WDR27: variants seen among roughly 807,000 people sequenced by gnomAD.
WDR27 encodes the protein WD repeat-containing protein 27.
Under a neutral mutation model 114.4 loss-of-function variants are expected in WDR27, and 100 were observed. That is an observed-to-expected ratio of 0.87 (90% CI 0.74 to 1.03). The LOEUF (loss-of-function observed/expected upper bound fraction) is 1.03, where lower values mean the gene tolerates loss of function less well. WDR27 is among the 50% of genes least tolerant of loss of function. The pLI, the probability that WDR27 is intolerant of heterozygous loss-of-function variation, is 0.00. For missense variants in WDR27, 1,129 were observed against 1,092.9 expected, an observed-to-expected ratio of 1.03 and a Z score of -0.47; for synonymous variants, 449 against 423.1, an observed-to-expected ratio of 1.06 and a Z score of -0.75.
At chr6:169,607,138 G>A (rs1305849726) in intron 22 of WDR27, among the ~76,000 whole-genome samples, 1 of 152,064 alleles carries the variant, frequency 6.6e-6, no homozygotes, top group Non-Finnish European at 1.5e-5. Context: ...CAATGCTGAT[G>A]GGAATGTAAA....
chr6:169,701,004 G>A (rs1206948045), intron 1 of WDR27, among the ~76,000 whole-genome samples: 4 of 152,188 alleles, frequency 2.6e-5, no homozygotes, highest in African/African-American at 9.7e-5. Context: ...AAAAGGCAGT[G>A]ACAAGTGATT....
the WDR27 span, among the ~76,000 whole-genome samples, chr6:169,441,002 T>G: frequency 3.3e-5 from 5 of 152,186 alleles, no homozygotes; most frequent in Admixed American, 3.3e-4. Flanking sequence ...ATTTTGCTCT[T>G]GATATTTAAG....
At chr6:169,525,728 C>T (rs963005779) in intron 25 of WDR27, among the ~76,000 whole-genome samples, 4 of 152,062 alleles carry the variant, frequency 2.6e-5, no homozygotes, top group African/African-American at 4.8e-5. Context: ...TATATATGAT[C>T]CAGCCATCCA....
chr6:169,678,501 T>C (rs577036640), intron 2 of WDR27, among the ~76,000 whole-genome samples: 99 of 152,354 alleles, frequency 6.5e-4, no homozygotes, highest in Non-Finnish European at 1.3e-3. Flanking sequence ...TACAGGCTCA[T>C]AGGTGGAAGG....
intron 13 of WDR27, among the ~76,000 whole-genome samples, chr6:169,657,077 G>T (rs187668070): frequency 2.0e-5 from 3 of 152,174 alleles, no homozygotes; most frequent in African/African-American, 7.2e-5. Context: ...GTCTTTCATG[G>T]AAACAGGGCG....
chr6:169,430,641 C>T, the WDR27 span, among the ~76,000 whole-genome samples: 1 of 152,134 alleles, frequency 6.6e-6, no homozygotes, highest in African/African-American at 2.4e-5. Context: ...GAAACTTTAC[C>T]GACACTTTCA....
At chr6:169,480,610 A>G (rs968750157) in intron 25 of WDR27, among the ~76,000 whole-genome samples, 2 of 151,490 alleles carry the variant, frequency 1.3e-5, no homozygotes, top group African/African-American at 4.9e-5. Flanking sequence ...ACCAATCAGC[A>G]CTCTGTGTCT....
intron 14 of WDR27, among the ~76,000 whole-genome samples, chr6:169,650,070 T>TACTCACCC (rs1821909357): frequency 7.8e-6 from 1 of 128,268 alleles, no homozygotes; most frequent in African/African-American, 3.0e-5. Flanking sequence ...CACCTCCATC[T>TACTCACCC]ACTCATCCAT....
intron 8 of WDR27, chr6:169,663,715 C>T (rs112128887): frequency 0.01 from 1,712 of 168,964 alleles, 35 homozygotes; most frequent in African/African-American, 0.039. Flanking sequence ...ATCTGTGATG[C>T]GCAGGAGACC....
At chr6:169,672,448 A>G in intron 2 of WDR27, 52 bp from the exon 3 acceptor site, 2 of 1,488,602 alleles carry the variant, frequency 1.3e-6, no homozygotes, top group Non-Finnish European at 1.8e-6. Flanking sequence ...TAAAAATAAG[A>G]GTATAACAAC....
At chr6:169,608,907 G>A (rs1349015916) in intron 22 of WDR27, among the ~76,000 whole-genome samples, 1 of 152,188 alleles carries the variant, frequency 6.6e-6, no homozygotes, top group African/African-American at 2.4e-5. Context: ...GATACAATGG[G>A]GGTACAGGCA....
At chr6:169,686,499 A>G (rs1346074765) in intron 2 of WDR27, among the ~76,000 whole-genome samples, 3 of 152,170 alleles carry the variant, frequency 2.0e-5, no homozygotes, top group Non-Finnish European at 2.9e-5. Flanking sequence ...TGACCCAACT[A>G]TATGTGGACT....
At chr6:169,582,512 G>A (rs904016049) in intron 24 of WDR27, among the ~76,000 whole-genome samples, 6 of 152,000 alleles carry the variant, frequency 3.9e-5, no homozygotes, top group Non-Finnish European at 5.9e-5. Flanking sequence ...CCATGTAACC[G>A]TATTTGTCTA....
chr6:169,634,457 CT>C lies in WDR27; in HGVS notation c.2071del (p.Ser691ValfsTer35), dbSNP rs1190543976. The stretch of plus-strand genomic sequence containing the variant: ...ATAAAAGTCGTTGACTGCCGATAAA[CT>C]GGTCATGTCTACTGCACCCGTCGTG... ...LSTTGAVDMTSLSAVNDFYSH... is the reference protein window; with the variant it reads ...LSTTGAVDMTXLSAVNDFYSH... On this transcript the variant is annotated frameshift_variant, in exon 20 of 26. Transcript: ENST00000448612. LOFTEE classifies it high-confidence loss of function. The C allele has an allele frequency of 6.2e-7, 1 of 1,613,126 alleles. No individual in the cohort carries two copies. Among genetic ancestry groups the C allele is most frequent in the Non-Finnish European group, 8.5e-7 (1 of 1,179,640 alleles).
At chr6:169,587,156 C>T (rs1364752136) in intron 23 of WDR27, among the ~76,000 whole-genome samples, 3 of 151,280 alleles carry the variant, frequency 2.0e-5, no homozygotes, top group Non-Finnish European at 4.4e-5. Flanking sequence ...AAGAATTGGG[C>T]ACTTACATCT....
At chr6:169,550,215 G>T (rs1323053708) in intron 25 of WDR27, among the ~76,000 whole-genome samples, 1 of 152,142 alleles carries the variant, frequency 6.6e-6, no homozygotes, top group Non-Finnish European at 1.5e-5. Flanking sequence ...TTTCAGAAAA[G>T]CTGCACATAT....
At chr6:169,666,017 T>A (rs932122265) in intron 6 of WDR27, among the ~76,000 whole-genome samples, 1 of 152,212 alleles carries the variant, frequency 6.6e-6, no homozygotes, top group African/African-American at 2.4e-5. Flanking sequence ...AATGGATGTC[T>A]TGTTTCCTTA....
chr6:169,623,192 C>T (rs1174886343), intron 21 of WDR27, among the ~76,000 whole-genome samples: 3 of 152,104 alleles, frequency 2.0e-5, no homozygotes, highest in Non-Finnish European at 4.4e-5. Context: ...TTCAGCTGGT[C>T]GTGCGGCCCC....
chr6:169,509,709 C>A (rs976177351), intron 25 of WDR27, among the ~76,000 whole-genome samples: 51 of 152,160 alleles, frequency 3.4e-4, no homozygotes, highest in African/African-American at 1.2e-3. Flanking sequence ...CCATTCAGGA[C>A]ATAGGCATGG....
Sources: gnomAD v4.1 joint callset for allele counts (sites outside exome capture counted in the v4.1 genomes callset) on GRCh38, gnomAD v4.1.1 for gene constraint, MANE v1.5 for transcripts, NCBI Gene and HGNC (gene_info 2026-07-23, HGNC 2026-07-21) for gene names.